RNF150: variants seen among roughly 807,000 people sequenced by gnomAD.
RNF150 encodes the protein ring finger protein 150.
A neutral mutation model predicts 39.3 loss-of-function variants in RNF150; 24 were observed. That is an observed-to-expected ratio of 0.61 (90% CI 0.44 to 0.86). The LOEUF (loss-of-function observed/expected upper bound fraction) is 0.86. Among genes scored for constraint, RNF150 ranks in the 40% least tolerant of loss-of-function variants. The pLI is 0.00. For missense variants in RNF150, 502 were observed against 587.8 expected, an observed-to-expected ratio of 0.85 and a Z score of 1.51; for synonymous variants, 255 against 227.3, an observed-to-expected ratio of 1.12 and a Z score of -1.10.
chr4:140,868,115 T>C lies in RNF150; in HGVS notation c.*146A>G, dbSNP rs1201862031. Reference sequence around the variant, plus strand: ...ATCCTGATTGACAAGACTTTGGATATTGCTTTTCGTCAGCATTCTTGAACG... The same window carrying C: ...ATCCTGATTGACAAGACTTTGGATACTGCTTTTCGTCAGCATTCTTGAACG... On this transcript the variant is annotated 3_prime_UTR_variant, in exon 7 of 7. Coordinates refer to ENST00000515673, the MANE Select transcript of RNF150 (RefSeq NM_020724.2). 6.6e-6 allele frequency: 4 copies of C among 605,950 alleles called. No individual in the cohort carries two copies. Among genetic ancestry groups the C allele is most frequent in the Non-Finnish European group, 1.2e-5 (4 of 337,260 alleles). The allele number at this position is 605,950 out of a possible 1,614,324, so 37.5% of individuals were successfully genotyped here.
chr4:141,047,133 T>TGAGA (rs1209671183), intron 1 of RNF150, among the ~76,000 whole-genome samples: 2 of 152,106 alleles, frequency 1.3e-5, no homozygotes, highest in Non-Finnish European at 2.9e-5. Flanking sequence ...TGTGTATGTG[T>TGAGA]GAGAGATTGT....
chr4:140,941,175 CAACA>C (rs1255494439), intron 4 of RNF150, among the ~76,000 whole-genome samples: 1 of 152,148 alleles, frequency 6.6e-6, no homozygotes. Flanking sequence ...AGATTTCTGT[CAACA>C]AACAGAAAAA....
chr4:140,885,964 G>T (rs1011959301), intron 6 of RNF150, among the ~76,000 whole-genome samples: 4 of 152,036 alleles, frequency 2.6e-5, no homozygotes, highest in Non-Finnish European at 5.9e-5. Context: ...GCCGAGATGG[G>T]TGGATCACGA....
intron 1 of RNF150, among the ~76,000 whole-genome samples, chr4:141,073,135 T>A (rs988123051): frequency 1.3e-5 from 2 of 151,740 alleles, no homozygotes; most frequent in African/African-American, 4.8e-5. Flanking sequence ...TGGTACCAAG[T>A]AGAAGACAGA....
At chr4:141,065,290 T>G (rs536198436) in intron 1 of RNF150, among the ~76,000 whole-genome samples, 19 of 152,292 alleles carry the variant, frequency 1.2e-4, no homozygotes, top group Non-Finnish European at 2.8e-4. Flanking sequence ...GCCACAAACA[T>G]GCTATCTGTG....
At chr4:140,934,495 T>C (rs1294958517) in intron 4 of RNF150, among the ~76,000 whole-genome samples, 2 of 152,140 alleles carry the variant, frequency 1.3e-5, no homozygotes, top group Non-Finnish European at 2.9e-5. Context: ...AAATTGCTGC[T>C]CACCGCACAA....
At chr4:141,206,238 G>A (rs1271075427) in intron 1 of RNF150, among the ~76,000 whole-genome samples, 2 of 151,942 alleles carry the variant, frequency 1.3e-5, no homozygotes, top group Non-Finnish European at 2.9e-5. Context: ...GGCCAACATG[G>A]TGAAACCTCA....
chr4:141,090,997 T>C (rs1332900872), intron 1 of RNF150, among the ~76,000 whole-genome samples: 2 of 152,214 alleles, frequency 1.3e-5, no homozygotes, highest in Non-Finnish European at 1.5e-5. Flanking sequence ...CTCCACTCTA[T>C]TCTACTTGGT....
At chr4:140,923,563 C>T (rs1322274471) in intron 5 of RNF150, among the ~76,000 whole-genome samples, 12 of 152,082 alleles carry the variant, frequency 7.9e-5, no homozygotes, top group African/African-American at 1.4e-4. Flanking sequence ...GTCGGTGTGG[C>T]GATTCCTCAG....
chr4:140,932,695 T>C (rs1355033855), intron 4 of RNF150, among the ~76,000 whole-genome samples: 1 of 152,188 alleles, frequency 6.6e-6, no homozygotes, highest in Non-Finnish European at 1.5e-5. Context: ...AGGCACCCAA[T>C]ACTGTCACCC....
intron 1 of RNF150, among the ~76,000 whole-genome samples, chr4:141,085,494 G>A (rs570773792): frequency 4.6e-5 from 7 of 152,280 alleles, no homozygotes; most frequent in Non-Finnish European, 1.0e-4. Flanking sequence ...GGTCTCTGTG[G>A]AGAGTCAGCA....
chr4:140,908,841 A>G (rs1371232636), intron 6 of RNF150, among the ~76,000 whole-genome samples: 2 of 152,164 alleles, frequency 1.3e-5, no homozygotes, highest in East Asian at 3.8e-4. Context: ...CTTTACTAAG[A>G]TCTATGAAGT....
chr4:140,915,659 C>T (rs1256997927), intron 5 of RNF150, among the ~76,000 whole-genome samples: 1 of 152,260 alleles, frequency 6.6e-6, no homozygotes, highest in Non-Finnish European at 1.5e-5. Flanking sequence ...TTCAGCAAAT[C>T]CGCTTAAATG....
At chr4:141,178,247 T>C (rs2111183653) in intron 1 of RNF150, among the ~76,000 whole-genome samples, 1 of 150,210 alleles carries the variant, frequency 6.7e-6, no homozygotes, top group South Asian at 2.1e-4. Flanking sequence ...TGTGTGTATG[T>C]GTGTGTGTGT....
In RNF150 at chr4:141,096,190, C is replaced by CTTTTTTT. The variant is rs780868429; in HGVS notation, c.484+36128_484+36134dup. Among the ~76,000 whole-genome samples the CTTTTTTT allele has an allele frequency of 3.7e-3, 250 of 67,954 alleles. 18 individuals carry two copies. Among genetic ancestry groups the CTTTTTTT allele is most frequent in the East Asian group, 0.025 (41 of 1,618 alleles). The allele number at this position is 67,954 out of a possible 152,430, so 44.6% of individuals were successfully genotyped here. ...AATACCAAGGAGAGTTTTTAGCTTT[C>CTTTTTTT]TTTTTTTTTTTTTTTTTTTTTTTTT... On this transcript the variant is annotated intron_variant, in intron 1 of 6. Transcript: ENST00000515673.
At chr4:140,911,410 A>G in intron 5 of RNF150, 56 bp from the exon 6 acceptor site, 1 of 1,442,466 alleles carries the variant, frequency 6.9e-7, no homozygotes, top group Non-Finnish European at 9.6e-7. Flanking sequence ...TAGAGATTAA[A>G]TGTCTATAGC....
intron 1 of RNF150, among the ~76,000 whole-genome samples, chr4:141,083,210 T>G (rs975196738): frequency 1.3e-5 from 2 of 152,226 alleles, no homozygotes. Context: ...TAGGGCGATT[T>G]CCCAGAAACT....
chr4:141,171,202 G>A (rs1326799612), intron 1 of RNF150, among the ~76,000 whole-genome samples: 2 of 152,030 alleles, frequency 1.3e-5, no homozygotes, highest in Non-Finnish European at 2.9e-5. Flanking sequence ...ACCTTTCCTC[G>A]CCAGCCCACA....
At chr4:141,121,013 T>C (rs192347032) in intron 1 of RNF150, among the ~76,000 whole-genome samples, 206 of 152,196 alleles carry the variant, frequency 1.4e-3, no homozygotes, top group Non-Finnish European at 2.4e-3. Context: ...ACAACAATGG[T>C]GATAAGATGC....
Sources: gnomAD v4.1 joint callset for allele counts (sites outside exome capture counted in the v4.1 genomes callset) on GRCh38, gnomAD v4.1.1 for gene constraint, MANE v1.5 for transcripts, NCBI Gene and HGNC (gene_info 2026-07-23, HGNC 2026-07-21) for gene names.